LONP2: variants seen among roughly 807,000 people sequenced by gnomAD.
The protein encoded by LONP2 is lon protease homolog 2, peroxisomal.
A neutral mutation model predicts 85.6 loss-of-function variants in LONP2; 60 were observed. The ratio of observed to expected loss-of-function variants is 0.70; its 90% CI spans 0.57 to 0.87. The LOEUF is 0.87. Among genes scored for constraint, LONP2 ranks in the 40% least tolerant of loss-of-function variants. LONP2 has a pLI of 0.00. For missense variants in LONP2, 860 were observed against 1,063.5 expected (o/e 0.81, Z 2.66); for synonymous variants, 395 against 389.7 (o/e 1.01, Z -0.16).
chr16:48,312,390 G>A (rs1973052149), intron 11 of LONP2, among the ~76,000 whole-genome samples: 1 of 151,306 alleles, frequency 6.6e-6, no homozygotes, highest in African/African-American at 2.4e-5. Context: ...CAATATTACT[G>A]TGCTGATTCA....
At chr16:48,360,756 A>T (rs1238860554), downstream of LONP2, 1 of 152,620 alleles carries the variant, frequency 6.6e-6, no homozygotes, top group Non-Finnish European at 1.5e-5. Context: ...TATTTATAAA[A>T]ATCAATTTAT....
chr16:48,274,451 TA>T (rs112943696), intron 7 of LONP2, among the ~76,000 whole-genome samples: 2,081 of 152,188 alleles, frequency 0.014, 48 homozygotes, highest in African/African-American at 0.047. Context: ...TTTTGGAAGT[TA>T]TGCAACCCTT....
intron 8 of LONP2, among the ~76,000 whole-genome samples, chr16:48,287,746 T>C (rs1476836774): frequency 2.0e-5 from 3 of 152,228 alleles, no homozygotes; most frequent in African/African-American, 7.2e-5. Context: ...AAGCTCGTTC[T>C]GTTTATTGAG....
At chr16:48,290,103 A>G (rs983123631) in intron 8 of LONP2, among the ~76,000 whole-genome samples, 1 of 152,140 alleles carries the variant, frequency 6.6e-6, no homozygotes, top group South Asian at 2.1e-4. Context: ...ATTTTAATTT[A>G]CTGAGACCTC....
chr16:48,357,264 T>A lies in LONP2; in HGVS notation c.*5462T>A, dbSNP rs1465507903. 1.3e-5 allele frequency: 2 copies of A among 149,956 alleles called. No homozygotes were observed. Among genetic ancestry groups the A allele is most frequent in the Admixed American group, 1.3e-4 (2 of 15,218 alleles). The allele number at this position is 149,956 out of a possible 1,614,324, so 9.3% of individuals were successfully genotyped here. The stretch of plus-strand genomic sequence containing the variant: ...GGCAGTTAGAATCTACAACCCACAC[T>A]GTTTGCCACCAAATCTTAGTAGATG... On this transcript the variant is annotated 3_prime_UTR_variant, in exon 15 of 15. Coordinates refer to ENST00000285737, the MANE Select transcript of LONP2 (RefSeq NM_031490.5).
chr16:48,254,089 C>T (rs1971707239), intron 2 of LONP2, among the ~76,000 whole-genome samples: 1 of 152,170 alleles, frequency 6.6e-6, no homozygotes, highest in South Asian at 2.1e-4. Context: ...TGAACCTTTT[C>T]TCTTCACTGA....
At chr16:48,273,511 A>G (rs1972146427) in intron 7 of LONP2, among the ~76,000 whole-genome samples, 1 of 152,160 alleles carries the variant, frequency 6.6e-6, no homozygotes, top group South Asian at 2.1e-4. Context: ...TATGCTACGT[A>G]TTAACTCATT....
At chr16:48,306,152 T>C (rs544858250) in intron 11 of LONP2, among the ~76,000 whole-genome samples, 2 of 152,210 alleles carry the variant, frequency 1.3e-5, no homozygotes, top group African/African-American at 2.4e-5. Flanking sequence ...TTGTCTGATA[T>C]AACAGAAGGT....
intron 11 of LONP2, among the ~76,000 whole-genome samples, chr16:48,318,810 A>T (rs2151013612): frequency 6.6e-6 from 1 of 152,244 alleles, no homozygotes; most frequent in Non-Finnish European, 1.5e-5. Context: ...CTCCAGGAGG[A>T]ATCAGCCTTC....
chr16:48,345,534 T>C (rs2151031826), intron 12 of LONP2: 1 of 152,358 alleles, frequency 6.6e-6, no homozygotes, highest in Middle Eastern at 3.4e-3. Context: ...AATAACTGTT[T>C]CATGATTTTC....
chr16:48,272,357 C>T (rs534042857), intron 7 of LONP2, among the ~76,000 whole-genome samples: 1 of 152,112 alleles, frequency 6.6e-6, no homozygotes, highest in African/African-American at 2.4e-5. Context: ...CTGTTGCCTA[C>T]TAATGGACAG....
intron 2 of LONP2, among the ~76,000 whole-genome samples, chr16:48,253,790 G>T (rs987494837): frequency 2.0e-5 from 3 of 152,124 alleles, no homozygotes; most frequent in African/African-American, 7.2e-5. Context: ...GAAATAAATA[G>T]ATCACCACAC....
chr16:48,257,047 C>G (rs1971774394), intron 3 of LONP2, among the ~76,000 whole-genome samples: 1 of 152,152 alleles, frequency 6.6e-6, no homozygotes, highest in African/African-American at 2.4e-5. Context: ...ACTGGGTGCT[C>G]ACGCCTGTAG....
downstream of LONP2, among the ~76,000 whole-genome samples, chr16:48,359,460 C>T (rs750292883): frequency 1.1e-4 from 17 of 152,148 alleles, no homozygotes; most frequent in Non-Finnish European, 2.1e-4. Context: ...CGCGGTGGCT[C>T]ACGCCTATAA....
At chr16:48,320,086 G>A (rs373197385) in intron 11 of LONP2, among the ~76,000 whole-genome samples, 1 of 151,362 alleles carries the variant, frequency 6.6e-6, no homozygotes, top group Non-Finnish European at 1.5e-5. Context: ...CTTGAACTTG[G>A]GGGGCGGAGG....
downstream of LONP2, chr16:48,361,312 T>C: frequency 2.8e-6 from 1 of 361,934 alleles, no homozygotes; most frequent in Non-Finnish European, 5.1e-6. Flanking sequence ...AGAATTATTT[T>C]ACAATGCTTC....
At chr16:48,256,551 T>G (rs1971765147) in intron 2 of LONP2, 59 bp from the exon 3 acceptor site, 3 of 1,573,578 alleles carry the variant, frequency 1.9e-6, no homozygotes, top group Non-Finnish European at 2.6e-6. Flanking sequence ...AAATCTGATT[T>G]TTAAAAATTC....
At chr16:48,300,084 C>T (rs1307573547) in intron 10 of LONP2, among the ~76,000 whole-genome samples, 2 of 152,168 alleles carry the variant, frequency 1.3e-5, no homozygotes, top group Admixed American at 1.3e-4. Flanking sequence ...TTATGCTTTG[C>T]CACAATAGCA....
chr16:48,336,499 G>C, intron 12 of LONP2: 5 of 453,732 alleles, frequency 1.1e-5, no homozygotes, highest in South Asian at 7.8e-5. Context: ...CTGGGTACAG[G>C]TGAGCTGAGT....
Sources: gnomAD v4.1 joint callset for allele counts (sites outside exome capture counted in the v4.1 genomes callset) on GRCh38, gnomAD v4.1.1 for gene constraint, MANE v1.5 for transcripts, NCBI Gene and HGNC (gene_info 2026-07-23, HGNC 2026-07-21) for gene names.